The following PLXNA4 variants were observed in gnomAD, a reference collection of about 807,000 sequenced individuals.
PLXNA4 encodes plexin A4, also known as plexin-A4.
Under a neutral mutation model 191.8 loss-of-function variants are expected in PLXNA4, and 44 were observed. The observed-to-expected ratio is 0.23, with a 90% CI of 0.18 to 0.29. The LOEUF (loss-of-function observed/expected upper bound fraction) is 0.29, where lower values mean the gene tolerates loss of function less well. Among genes scored for constraint, PLXNA4 ranks in the 10% least tolerant of loss-of-function variants. The pLI, the probability that PLXNA4 is intolerant of heterozygous loss-of-function variation, is 1.00. For missense variants in PLXNA4, 1,800 were observed against 2,488.8 expected, an observed-to-expected ratio of 0.72 and a Z score of 5.89; for synonymous variants, 1,082 against 1,009.5, an observed-to-expected ratio of 1.07 and a Z score of -1.36.
chr7:132,619,100 C>T (rs1261247710), intron 2 of PLXNA4, among the ~76,000 whole-genome samples: 13 of 152,212 alleles, frequency 8.5e-5, no homozygotes, highest in Middle Eastern at 3.4e-3. Flanking sequence ...AAAATGTCAG[C>T]GAAGTGTAAA....
chr7:132,315,754 T>G (rs950063436), intron 3 of PLXNA4, among the ~76,000 whole-genome samples: 4 of 152,098 alleles, frequency 2.6e-5, no homozygotes, highest in African/African-American at 9.7e-5. Context: ...GAGCTGATTG[T>G]TAGGAGGAAT....
chr7:132,153,284 G>A (rs755338263), intron 25 of PLXNA4, among the ~76,000 whole-genome samples: 1 of 152,204 alleles, frequency 6.6e-6, no homozygotes, highest in Non-Finnish European at 1.5e-5. Context: ...CTGGAGAGGT[G>A]TAGGGAGGTC....
At chr7:132,647,781 TAC>T (rs1422418943) in intron 1 of PLXNA4, among the ~76,000 whole-genome samples, 1 of 150,490 alleles carries the variant, frequency 6.6e-6, no homozygotes, top group African/African-American at 2.4e-5. Context: ...CACTATCATA[TAC>T]ACACATATAC....
intron 4 of PLXNA4, among the ~76,000 whole-genome samples, chr7:132,276,176 G>C (rs540234006): frequency 7.9e-5 from 12 of 152,250 alleles, no homozygotes; most frequent in Middle Eastern, 3.4e-3. Flanking sequence ...AAATGCATGA[G>C]CATAGCCTGT....
At chr7:132,606,796 C>CA (rs933582272) in intron 2 of PLXNA4, among the ~76,000 whole-genome samples, 1 of 152,136 alleles carries the variant, frequency 6.6e-6, no homozygotes, top group Non-Finnish European at 1.5e-5. Flanking sequence ...TGATATATGG[C>CA]AAAAAATTTC....
intron 29 of PLXNA4, among the ~76,000 whole-genome samples, chr7:132,141,468 C>A (rs1398461263): frequency 1.3e-5 from 2 of 152,186 alleles, no homozygotes; most frequent in South Asian, 2.1e-4. Context: ...AGGAACTGTG[C>A]TTGCAACTGG....
chr7:132,626,430 GT>G (rs1418583070), intron 2 of PLXNA4, among the ~76,000 whole-genome samples: 2 of 152,208 alleles, frequency 1.3e-5, no homozygotes, highest in Non-Finnish European at 2.9e-5. Flanking sequence ...AGTATTGGAG[GT>G]TGGGCCTGGT....
At chr7:132,510,011 C>T (rs960357458) in intron 1 of PLXNA4, among the ~76,000 whole-genome samples, 1 of 152,134 alleles carries the variant, frequency 6.6e-6, no homozygotes, top group African/African-American at 2.4e-5. Flanking sequence ...AATAAATAAA[C>T]AAATAAATAC....
At chr7:132,264,180 A>G (rs1340715714) in intron 4 of PLXNA4, 1 of 152,252 alleles carries the variant, frequency 6.6e-6, no homozygotes, top group Non-Finnish European at 1.5e-5. Flanking sequence ...GGATCCCAAA[A>G]CTGAAGAATT....
chr7:132,237,859 A>G (rs1021248639), intron 5 of PLXNA4, among the ~76,000 whole-genome samples: 2 of 152,306 alleles, frequency 1.3e-5, no homozygotes, highest in Non-Finnish European at 2.9e-5. Flanking sequence ...TGTGACAAAA[A>G]TCGGTACCCG....
intron 3 of PLXNA4, among the ~76,000 whole-genome samples, chr7:132,336,645 C>T (rs879313110): frequency 1.3e-5 from 2 of 152,204 alleles, no homozygotes; most frequent in South Asian, 2.1e-4. Context: ...CACCACCCCC[C>T]ACTCTATACA....
intron 4 of PLXNA4, among the ~76,000 whole-genome samples, chr7:132,286,538 G>A (rs1344350512): frequency 6.6e-6 from 1 of 152,116 alleles, no homozygotes; most frequent in Non-Finnish European, 1.5e-5. Context: ...TGGCCCTTGG[G>A]TTTCCTCAGC....
At chr7:132,134,672 G>A (rs990264121) in intron 30 of PLXNA4, among the ~76,000 whole-genome samples, 17 of 152,200 alleles carry the variant, frequency 1.1e-4, no homozygotes, top group Admixed American at 1.1e-3. Context: ...TTTTGGCTGG[G>A]CAGGAGCCTG....
In PLXNA4 at chr7:132,629,046, C is replaced by T. The variant is rs180797612; in HGVS notation, c.-87+16882G>A. ...GTCACTGTCTTTTCTGCTAGTTGATCTCACTATTGATTGATCAGGTATGCC... is the reference window on the plus strand; with the variant it reads ...GTCACTGTCTTTTCTGCTAGTTGATTTCACTATTGATTGATCAGGTATGCC... On this transcript the variant is annotated intron_variant, in intron 2 of 4. Coordinates refer to the PLXNA4 transcript ENST00000378539. Among the ~76,000 whole-genome samples, 8 of 152,290 alleles carry T rather than the reference C, an allele frequency of 5.3e-5. No homozygotes were observed. The East Asian group carries it at 1.3e-3, about 26-fold the overall frequency.
chr7:132,315,959 A>C (rs1279734439), intron 3 of PLXNA4, among the ~76,000 whole-genome samples: 1 of 152,164 alleles, frequency 6.6e-6, no homozygotes, highest in Non-Finnish European at 1.5e-5. Flanking sequence ...AAGACCCTTG[A>C]ATGTCTTTCA....
intron 1 of PLXNA4, among the ~76,000 whole-genome samples, chr7:132,509,016 G>A (rs201286779): frequency 6.6e-6 from 1 of 152,036 alleles, no homozygotes; most frequent in African/African-American, 2.4e-5. Context: ...ATAATGACAT[G>A]ATAATAGCAG....
chr7:132,610,664 G>A (rs965629698), intron 2 of PLXNA4, among the ~76,000 whole-genome samples: 2 of 152,190 alleles, frequency 1.3e-5, no homozygotes, highest in African/African-American at 4.8e-5. Flanking sequence ...CAGGCTAAGG[G>A]AAGCCATTTA....
intron 21 of PLXNA4, among the ~76,000 whole-genome samples, chr7:132,169,785 T>C (rs990832832): frequency 2.0e-5 from 3 of 151,942 alleles, no homozygotes; most frequent in African/African-American, 7.3e-5. Context: ...GCATGTTCAC[T>C]TGGGGAAAAG....
chr7:132,130,621 G>A (rs769913237), intron 31 of PLXNA4, 47 bp from the exon 32 acceptor site: 8 of 1,613,090 alleles, frequency 5.0e-6, no homozygotes, highest in South Asian at 2.2e-5. Flanking sequence ...GTGTGTACAG[G>A]TCTGTGTTCT....
Sources: allele counts gnomAD v4.1 joint callset (sites outside exome capture counted in the v4.1 genomes callset), GRCh38; gene constraint gnomAD v4.1.1; transcripts MANE v1.5; gene names NCBI Gene and HGNC (gene_info 2026-07-23, HGNC 2026-07-21).